Variants in ENPP2 observed in about 807,000 individuals in gnomAD.
ENPP2 encodes autotaxin.
ENPP2 carries 51 observed loss-of-function variants against 120.2 expected under a neutral mutation model. The observed-to-expected ratio is 0.42, with a 90% CI of 0.34 to 0.54. The LOEUF (loss-of-function observed/expected upper bound fraction) is 0.54, where lower values mean the gene tolerates loss of function less well. Among genes scored for constraint, ENPP2 ranks in the 20% least tolerant of loss-of-function variants. The probability of loss-of-function intolerance (pLI) is 0.04; values close to 1 mark genes in which losing one functional copy is unlikely to be tolerated. For missense variants in ENPP2, 920 were observed against 1,066.5 expected (o/e 0.86, Z 1.91); for synonymous variants, 365 against 366.4 (o/e 1.00, Z 0.04).
chr8:119,636,273 C>T (rs1816995132), intron 2 of ENPP2, among the ~76,000 whole-genome samples: 1 of 152,154 alleles, frequency 6.6e-6, no homozygotes, highest in African/African-American at 2.4e-5. Context: ...CATTTAAACG[C>T]ATAAAGATAT....
intron 1 of ENPP2, among the ~76,000 whole-genome samples, chr8:119,650,806 T>C (rs1422922586): frequency 6.6e-6 from 1 of 152,202 alleles, no homozygotes; most frequent in Non-Finnish European, 1.5e-5. Context: ...TCATCAGGTT[T>C]TCTGTTTCAT....
intron 19 of ENPP2, 78 bp from the exon 20 acceptor site, chr8:119,570,919 C>A: frequency 1.1e-6 from 1 of 927,926 alleles, no homozygotes; most frequent in African/African-American, 1.7e-5. Context: ...TTGGAAGAGT[C>A]AAGTTACCTA....
At chr8:119,563,836 A>G (rs1450308629) in intron 23 of ENPP2, among the ~76,000 whole-genome samples, 1 of 151,986 alleles carries the variant, frequency 6.6e-6, no homozygotes, top group Non-Finnish European at 1.5e-5. Flanking sequence ...TTTCTATCTT[A>G]TTTATCTGTA....
At chr8:119,673,134 G>T in intron 1 of ENPP2, 1 of 840,432 alleles carries the variant, frequency 1.2e-6, no homozygotes. Context: ...AGCCCAACAG[G>T]GACTGCTTTC....
chr8:119,626,751 C>A (rs753891732), intron 2 of ENPP2, 31 bp from the exon 3 acceptor site: 3 of 1,608,832 alleles, frequency 1.9e-6, no homozygotes, highest in South Asian at 2.2e-5. Context: ...AAACAATGGA[C>A]TGGAGAGTGG....
At chr8:119,568,578 G>T (rs1014441977) in intron 21 of ENPP2, among the ~76,000 whole-genome samples, 1 of 151,812 alleles carries the variant, frequency 6.6e-6, no homozygotes, top group Non-Finnish European at 1.5e-5. Flanking sequence ...AATCATCAAG[G>T]TAATGAGAGA....
chr8:119,661,001 G>T (rs1279603399), intron 1 of ENPP2, among the ~76,000 whole-genome samples: 1 of 152,096 alleles, frequency 6.6e-6, no homozygotes, highest in African/African-American at 2.4e-5. Context: ...ATATACAATA[G>T]CAAGAAAACA....
chr8:119,595,371 T>C (rs776864001), intron 11 of ENPP2, among the ~76,000 whole-genome samples: 6 of 152,184 alleles, frequency 3.9e-5, no homozygotes, highest in Non-Finnish European at 7.4e-5. Flanking sequence ...TATTTTCTCT[T>C]TCTTTCTGTC....
chr8:119,607,871 T>C (rs1420104993), intron 9 of ENPP2, 51 bp downstream of exon 9: 2 of 1,113,716 alleles, frequency 1.8e-6, no homozygotes, highest in Non-Finnish European at 1.3e-6. Context: ...GTTTTAGAAA[T>C]TGAATCATAG....
At chr8:119,608,749 C>A (rs1346801123) in intron 8 of ENPP2, among the ~76,000 whole-genome samples, 1 of 152,150 alleles carries the variant, frequency 6.6e-6, no homozygotes, top group Non-Finnish European at 1.5e-5. Context: ...GTTTCCTTTA[C>A]AATGTAAATA....
intron 3 of ENPP2, among the ~76,000 whole-genome samples, chr8:119,621,837 T>A (rs1563743695): frequency 6.6e-6 from 1 of 152,154 alleles, no homozygotes; most frequent in Non-Finnish European, 1.5e-5. Context: ...ACATCAAAGG[T>A]TTATGATAGG....
chr8:119,574,887 T>A (rs535679664), intron 19 of ENPP2, among the ~76,000 whole-genome samples: 5 of 152,296 alleles, frequency 3.3e-5, no homozygotes, highest in African/African-American at 4.8e-5. Flanking sequence ...ATTTAAGGCC[T>A]CTCTTTAGTG....
At chr8:119,644,335 A>C (rs1462009842) in intron 1 of ENPP2, among the ~76,000 whole-genome samples, 1 of 151,820 alleles carries the variant, frequency 6.6e-6, no homozygotes, top group African/African-American at 2.4e-5. Flanking sequence ...GAGTTAGGAA[A>C]AAAGACTTTT....
At chr8:119,595,353 C>T (rs957290471) in intron 11 of ENPP2, among the ~76,000 whole-genome samples, 3 of 152,192 alleles carry the variant, frequency 2.0e-5, no homozygotes, top group African/African-American at 4.8e-5. Context: ...ACAACTCTAT[C>T]CGCCCATTAT....
chr8:119,613,709 T>C (rs888580076), intron 8 of ENPP2, among the ~76,000 whole-genome samples: 37 of 152,180 alleles, frequency 2.4e-4, no homozygotes, highest in African/African-American at 8.2e-4. Flanking sequence ...ACTCTTATAC[T>C]TTGACTAAAG....
chr8:119,647,408 A>G (rs1051711862), intron 1 of ENPP2, among the ~76,000 whole-genome samples: 1 of 152,176 alleles, frequency 6.6e-6, no homozygotes, highest in African/African-American at 2.4e-5. Flanking sequence ...TAATAGGAAC[A>G]CAATAAATAT....
At chr8:119,668,943 G>A (rs909733813) in intron 1 of ENPP2, among the ~76,000 whole-genome samples, 1 of 151,918 alleles carries the variant, frequency 6.6e-6, no homozygotes, top group Non-Finnish European at 1.5e-5. Context: ...CACATACCTA[G>A]TAATTTGCAA....
intron 23 of ENPP2, among the ~76,000 whole-genome samples, chr8:119,563,964 G>A (rs560667789): frequency 6.7e-6 from 1 of 149,930 alleles, no homozygotes; most frequent in African/African-American, 2.4e-5. Flanking sequence ...TTCTGAATTT[G>A]TCAACAAATT....
At chr8:119,666,784 A>G (rs1444928454) in intron 1 of ENPP2, among the ~76,000 whole-genome samples, 1 of 152,128 alleles carries the variant, frequency 6.6e-6, no homozygotes, top group East Asian at 1.9e-4. Context: ...GTCTAAAAAA[A>G]AAAAAAAGCT....
Sources: allele counts gnomAD v4.1 joint callset (sites outside exome capture counted in the v4.1 genomes callset), GRCh38; gene constraint gnomAD v4.1.1; transcripts MANE v1.5; gene names NCBI Gene and HGNC (gene_info 2026-07-23, HGNC 2026-07-21).